Variants in NINJ1 observed in about 807,000 individuals in gnomAD.
NINJ1 encodes ninjurin 1.
A neutral mutation model predicts 12.7 loss-of-function variants in NINJ1; 6 were observed. The observed-to-expected ratio is 0.47, with a 90% CI of 0.26 to 0.93. The LOEUF is 0.93. Among genes scored for constraint, NINJ1 ranks in the 40% least tolerant of loss-of-function variants. The pLI, the probability that NINJ1 is intolerant of heterozygous loss-of-function variation, is 0.15. For synonymous variants in NINJ1, 100 were observed against 96.0 expected, an observed-to-expected ratio of 1.04 and a Z score of -0.25; for missense variants, 170 against 213.0, an observed-to-expected ratio of 0.80 and a Z score of 1.26.
chr9:93,126,365 A>G (rs1306748056), intron 2 of NINJ1, 45 bp downstream of exon 2: 1 of 1,545,848 alleles, frequency 6.5e-7, no homozygotes, highest in South Asian at 1.2e-5. Flanking sequence ...AGCAGATGCC[A>G]GCAAGGTGAG....
At chr9:93,127,405 T>G (rs1315925822) in intron 1 of NINJ1, among the ~76,000 whole-genome samples, 1 of 152,118 alleles carries the variant, frequency 6.6e-6, no homozygotes, top group Non-Finnish European at 1.5e-5. Context: ...CCCCCTGCAG[T>G]TCTCTCGAAG....
At position 93,121,864 on chromosome 9, in the gene NINJ1, G is replaced by A. The variant is rs1827742156; in HGVS notation, c.*376C>T. 1 of 152,332 alleles carries A rather than the reference G, an allele frequency of 6.6e-6. No individual in the cohort carries two copies. Among genetic ancestry groups the A allele is most frequent in the African/African-American group, 2.4e-5 (1 of 41,448 alleles). The allele number at this position is 152,332 out of a possible 1,614,324, so 9.4% of individuals were successfully genotyped here. ...TCCTTCTGGAATGTCCTGAGACAGAGGCTGGCCCTGGTCACTCATCCAGCC... is the reference window on the plus strand; with the variant it reads ...TCCTTCTGGAATGTCCTGAGACAGAAGCTGGCCCTGGTCACTCATCCAGCC... On this transcript the variant is annotated 3_prime_UTR_variant, in exon 4 of 4. Coordinates refer to ENST00000375446, the MANE Select transcript of NINJ1 (RefSeq NM_004148.4).
chr9:93,127,838 G>A (rs1827835272), intron 1 of NINJ1, among the ~76,000 whole-genome samples: 1 of 152,254 alleles, frequency 6.6e-6, no homozygotes, highest in Non-Finnish European at 1.5e-5. Flanking sequence ...CATGAAAGAT[G>A]CAGGCCGGGA....
At chr9:93,128,875 C>A (rs1827850398) in intron 1 of NINJ1, among the ~76,000 whole-genome samples, 4 of 152,250 alleles carry the variant, frequency 2.6e-5, no homozygotes, top group Non-Finnish European at 5.9e-5. Context: ...ACAATACGCA[C>A]ACACAAATAC....
At chr9:93,125,749 T>C (rs571289803) in intron 2 of NINJ1, 1 of 152,920 alleles carries the variant, frequency 6.5e-6, no homozygotes, top group Non-Finnish European at 1.5e-5. Flanking sequence ...AGACCCCGTG[T>C]CTACCAAAAA....
Position 93,122,081 on chromosome 9 carries a change from C to G in NINJ1, c.*159G>C, listed in dbSNP as rs918800898. On this transcript the variant is annotated 3_prime_UTR_variant, in exon 4 of 4. Coordinates refer to ENST00000375446, the MANE Select transcript of NINJ1 (RefSeq NM_004148.4). Reference sequence around the variant, plus strand: ...GCGTGGTGCTTGGCCGCAGTCAGAGCAAGGGCTGGTCCGGGGACATGGTGC... The same window carrying G: ...GCGTGGTGCTTGGCCGCAGTCAGAGGAAGGGCTGGTCCGGGGACATGGTGC... The G allele has an allele frequency of 6.6e-6, 1 of 152,522 alleles. No individual in the cohort carries two copies. Among genetic ancestry groups the G allele is most frequent in the Non-Finnish European group, 1.5e-5 (1 of 68,258 alleles). The allele number at this position is 152,522 out of a possible 1,614,324, so 9.4% of individuals were successfully genotyped here. A position where few individuals can be genotyped will look rare whatever the true frequency, so the allele number is the denominator to read the frequency against.
chr9:93,124,878 G>A lies in NINJ1; in HGVS notation c.*9+21C>T, dbSNP rs370312075. The A allele has an allele frequency of 4.0e-5, 63 of 1,585,664 alleles. No homozygotes were observed. The African/African-American group carries it at 5.4e-4, about 14-fold the overall frequency. Reference sequence around the variant, plus strand: ...GAGCAACCCCAGGACTGCAGGCCTCGCGCCCCATCTCCCAGCTCACCTGGG... The same window carrying A: ...GAGCAACCCCAGGACTGCAGGCCTCACGCCCCATCTCCCAGCTCACCTGGG... On this transcript the variant is annotated intron_variant, in intron 3 of 3. Coordinates refer to ENST00000375446, the MANE Select transcript of NINJ1 (RefSeq NM_004148.4).
intron 2 of NINJ1, chr9:93,125,468 G>T (rs1328982960): frequency 1.3e-5 from 2 of 157,122 alleles, no homozygotes; most frequent in Non-Finnish European, 2.8e-5. Context: ...TCAGCCACTT[G>T]CCCAAGGTTA....
chr9:93,127,885 A>G (rs1461809299), intron 1 of NINJ1, among the ~76,000 whole-genome samples: 1 of 152,256 alleles, frequency 6.6e-6, no homozygotes, highest in African/African-American at 2.4e-5. Flanking sequence ...AGGGGCGGAC[A>G]TGGTATCCAT....
chr9:93,126,103 G>T, intron 2 of NINJ1: 1 of 386,716 alleles, frequency 2.6e-6, no homozygotes, highest in Non-Finnish European at 4.7e-6. Flanking sequence ...GGGCTGAGGT[G>T]GGAGGATCGC....
chr9:93,123,651 T>C (rs1827767995), intron 3 of NINJ1, among the ~76,000 whole-genome samples: 1 of 152,142 alleles, frequency 6.6e-6, no homozygotes. Context: ...CTGTCTACTC[T>C]GCCATGGGCC....
chr9:93,134,012 C>A, intron 1 of NINJ1, 131 bp downstream of exon 1: 1 of 580,020 alleles, frequency 1.7e-6, no homozygotes, highest in Non-Finnish European at 2.7e-6. Flanking sequence ...GCGGGAAGGA[C>A]TTGGCCTAGA....
At chr9:93,134,021 G>T in intron 1 of NINJ1, 122 bp downstream of exon 1, 1 of 661,202 alleles carries the variant, frequency 1.5e-6, no homozygotes, top group Non-Finnish European at 2.3e-6. Flanking sequence ...ACTTGGCCTA[G>T]AGCGGGACGT....
intron 1 of NINJ1, among the ~76,000 whole-genome samples, chr9:93,128,592 T>A (rs1827846480): frequency 6.6e-6 from 1 of 152,194 alleles, no homozygotes; most frequent in African/African-American, 2.4e-5. Context: ...CTCCGCAAGG[T>A]GCAGTGTCCC....
At chr9:93,123,664 C>G (rs1329083829) in intron 3 of NINJ1, among the ~76,000 whole-genome samples, 1 of 152,254 alleles carries the variant, frequency 6.6e-6, no homozygotes, top group African/African-American at 2.4e-5. Context: ...CATGGGCCAC[C>G]ACTGGTGGAG....
At chr9:93,132,634 C>A (rs888926648) in intron 1 of NINJ1, among the ~76,000 whole-genome samples, 4 of 152,242 alleles carry the variant, frequency 2.6e-5, no homozygotes, top group Non-Finnish European at 4.4e-5. Flanking sequence ...CCTGGCCTCT[C>A]CTGCCCTGTC....
At chr9:93,132,973 CTCTT>C (rs1157148965) in intron 1 of NINJ1, among the ~76,000 whole-genome samples, 1 of 152,228 alleles carries the variant, frequency 6.6e-6, no homozygotes, top group Non-Finnish European at 1.5e-5. Flanking sequence ...CCTTTGTTCT[CTCTT>C]TATAAGACCA....
At chr9:93,128,535 C>G (rs1449046430) in intron 1 of NINJ1, among the ~76,000 whole-genome samples, 1 of 152,234 alleles carries the variant, frequency 6.6e-6, no homozygotes, top group Non-Finnish European at 1.5e-5. Flanking sequence ...GTCTCCAGTT[C>G]TGCTCTTGCG....
Position 93,134,245 on chromosome 9 carries a change from C to T in NINJ1, c.-28G>A. 2 of 1,398,728 alleles carry T rather than the reference C, an allele frequency of 1.4e-6. No homozygotes were observed. Among genetic ancestry groups the T allele is most frequent in the Non-Finnish European group, 1.9e-6 (2 of 1,052,606 alleles). The allele number at this position is 1,398,728 out of a possible 1,614,324, so 86.6% of individuals were successfully genotyped here. ...TGCGGCCGCCCAGGCCGCCAGGATC[C>T]GGGCCTGAGCGCGCCCGAGCCTCAG... On this transcript the variant is annotated 5_prime_UTR_variant, in exon 1 of 4. Coordinates refer to ENST00000375446, the MANE Select transcript of NINJ1 (RefSeq NM_004148.4).
Sources: gnomAD v4.1 joint callset for allele counts (sites outside exome capture counted in the v4.1 genomes callset) on GRCh38, gnomAD v4.1.1 for gene constraint, MANE v1.5 for transcripts, NCBI Gene and HGNC (gene_info 2026-07-23, HGNC 2026-07-21) for gene names.